Variants in SNTB2 observed in about 807,000 individuals in gnomAD.
The protein encoded by SNTB2 is syntrophin beta 2, also known as beta-2-syntrophin.
SNTB2 carries 34 observed loss-of-function variants against 46.2 expected under a neutral mutation model. The observed-to-expected ratio is 0.74, with a 90% CI of 0.56 to 0.98. The LOEUF (loss-of-function observed/expected upper bound fraction) is 0.98, where lower values mean the gene tolerates loss of function less well. Ranked by LOEUF, SNTB2 falls within the 50% of genes least tolerant of loss-of-function variation. The pLI is 0.00. For missense variants in SNTB2, 603 were observed against 731.4 expected (o/e 0.82, Z 2.02); for synonymous variants, 290 against 312.6 (o/e 0.93, Z 0.76).
chr16:69,284,895 T>C (rs974273638), intron 5 of SNTB2, among the ~76,000 whole-genome samples: 2 of 151,914 alleles, frequency 1.3e-5, no homozygotes, highest in African/African-American at 2.4e-5. Flanking sequence ...GCAACCAGAG[T>C]GAGACCCTGT....
chr16:69,307,509 T>C lies in SNTB2; in HGVS notation c.*6585T>C, dbSNP rs936773878. 4 of 148,440 alleles carry C rather than the reference T, an allele frequency of 2.7e-5. No individual in the cohort carries two copies. The highest frequency in any genetic ancestry group is 9.8e-5 in the African/African-American group (4 of 40,876). The allele number at this position is 148,440 out of a possible 1,614,324, so 9.2% of individuals were successfully genotyped here. ...AGTAGATAAATGAGAAAGTCTTTCTTAAAAAATGCTTCTTTAACTGTAACA... is the reference window on the plus strand; with the variant it reads ...AGTAGATAAATGAGAAAGTCTTTCTCAAAAAATGCTTCTTTAACTGTAACA... On this transcript the variant is annotated 3_prime_UTR_variant, in exon 7 of 7. Coordinates refer to ENST00000336278, the MANE Select transcript of SNTB2 (RefSeq NM_006750.4).
chr16:69,222,126 T>A (rs1241580311), intron 1 of SNTB2, among the ~76,000 whole-genome samples: 1 of 152,250 alleles, frequency 6.6e-6, no homozygotes, highest in Non-Finnish European at 1.5e-5. Flanking sequence ...CACAATTATT[T>A]ATGGCATCGT....
intron 4 of SNTB2, among the ~76,000 whole-genome samples, chr16:69,279,846 TTAATTAATTAA>T (rs1302870394): frequency 6.8e-6 from 1 of 147,040 alleles, no homozygotes. Context: ...CCCATTTTTT[TTAATTAATTAA>T]TTAATTAATT....
chr16:69,242,355 T>G (rs1370190850), intron 1 of SNTB2, among the ~76,000 whole-genome samples: 2 of 152,104 alleles, frequency 1.3e-5, no homozygotes, highest in Non-Finnish European at 2.9e-5. Context: ...CCCAAGAATT[T>G]GAGGTTACAG....
intron 1 of SNTB2, among the ~76,000 whole-genome samples, chr16:69,202,489 A>G (rs911095180): frequency 6.6e-6 from 1 of 151,944 alleles, no homozygotes; most frequent in African/African-American, 2.4e-5. Context: ...TGCAGCCTCC[A>G]TCTCCCAGGC....
intron 3 of SNTB2, among the ~76,000 whole-genome samples, chr16:69,261,332 T>C (rs979635631): frequency 4.6e-5 from 7 of 151,800 alleles, no homozygotes; most frequent in African/African-American, 1.5e-4. Context: ...TAAGTTGAGG[T>C]TGATTTTATT....
chr16:69,296,733 A>G (rs1965229157), intron 5 of SNTB2, among the ~76,000 whole-genome samples: 2 of 150,442 alleles, frequency 1.3e-5, no homozygotes, highest in African/African-American at 2.4e-5. Context: ...AAAAAAAAAA[A>G]GAAAAAAGAA....
chr16:69,284,605 C>T (rs988598256), intron 5 of SNTB2, among the ~76,000 whole-genome samples: 1 of 151,600 alleles, frequency 6.6e-6, no homozygotes, highest in African/African-American at 2.4e-5. Context: ...GAAACCCCAT[C>T]TCTACTAAAA....
chr16:69,238,932 G>A lies in SNTB2; in HGVS notation c.581-6670G>A, dbSNP rs370934986. Among the ~76,000 whole-genome samples the A allele has an allele frequency of 3.9e-5, 6 of 152,162 alleles. 1 individual carries two copies. The highest frequency in any genetic ancestry group is 1.4e-4 in the African/African-American group (6 of 41,502). ...AATCTCCCAATAGCTTCCTGTTTCA[G>A]AATAAAAGCCAAAGTCCTTGCCATG... On this transcript the variant is annotated intron_variant, in intron 1 of 6. Coordinates refer to ENST00000336278, the MANE Select transcript of SNTB2 (RefSeq NM_006750.4).
intron 1 of SNTB2, among the ~76,000 whole-genome samples, chr16:69,195,473 T>C (rs2152288977): frequency 6.6e-6 from 1 of 152,114 alleles, no homozygotes. Flanking sequence ...AGAATTATTT[T>C]GGTTGCAGAA....
intron 4 of SNTB2, among the ~76,000 whole-genome samples, chr16:69,279,107 A>G (rs1157848398): frequency 6.6e-6 from 1 of 152,212 alleles, no homozygotes; most frequent in Non-Finnish European, 1.5e-5. Context: ...CATTGTGTGT[A>G]GCAGATCTCT....
intron 1 of SNTB2, among the ~76,000 whole-genome samples, chr16:69,188,577 T>C (rs1776629113): frequency 6.6e-6 from 1 of 152,212 alleles, no homozygotes. Context: ...AAAAATAAAA[T>C]TCCTCTCCTC....
intron 4 of SNTB2, among the ~76,000 whole-genome samples, chr16:69,271,794 A>C (rs1418638126): frequency 1.3e-5 from 2 of 152,234 alleles, no homozygotes; most frequent in Non-Finnish European, 2.9e-5. Flanking sequence ...ACCTGGAAGC[A>C]TGAAGCAGAA....
chr16:69,248,833 A>G (rs1382131545), intron 2 of SNTB2, among the ~76,000 whole-genome samples: 1 of 150,556 alleles, frequency 6.6e-6, no homozygotes, highest in Non-Finnish European at 1.5e-5. Context: ...AAAAAGAGAT[A>G]CATTTATACA....
At chr16:69,217,326 T>C (rs1371587985) in intron 1 of SNTB2, among the ~76,000 whole-genome samples, 1 of 152,052 alleles carries the variant, frequency 6.6e-6, no homozygotes, top group Non-Finnish European at 1.5e-5. Context: ...ATACAAAAAT[T>C]AGCCGAACAT....
chr16:69,242,289 G>C (rs1597184307), intron 1 of SNTB2, among the ~76,000 whole-genome samples: 1 of 152,096 alleles, frequency 6.6e-6, no homozygotes, highest in African/African-American at 2.4e-5. Context: ...AGCCAGATGT[G>C]TCGGTGTGTG....
chr16:69,221,138 A>G (rs1425364692), intron 1 of SNTB2, among the ~76,000 whole-genome samples: 1 of 152,236 alleles, frequency 6.6e-6, no homozygotes, highest in Non-Finnish European at 1.5e-5. Flanking sequence ...ATGTTTTAAA[A>G]AAAATGAATA....
chr16:69,265,629 C>G (rs949270530), intron 3 of SNTB2, among the ~76,000 whole-genome samples: 1 of 151,734 alleles, frequency 6.6e-6, no homozygotes, highest in Non-Finnish European at 1.5e-5. Flanking sequence ...GAGTTTGAGA[C>G]CAGCCTGGCC....
At chr16:69,208,262 C>A (rs532822852) in intron 1 of SNTB2, among the ~76,000 whole-genome samples, 1 of 151,868 alleles carries the variant, frequency 6.6e-6, no homozygotes, top group Non-Finnish European at 1.5e-5. Flanking sequence ...CAAAACTAGC[C>A]GGACATGGTG....
Sources: allele counts gnomAD v4.1 joint callset (sites outside exome capture counted in the v4.1 genomes callset), GRCh38; gene constraint gnomAD v4.1.1; transcripts MANE v1.5; gene names NCBI Gene and HGNC (gene_info 2026-07-23, HGNC 2026-07-21).